ADARB2: variants seen among roughly 807,000 people sequenced by gnomAD.
ADARB2 encodes inactive double-stranded RNA-specific editase B2.
ADARB2 carries 25 observed loss-of-function variants against 62.2 expected under a neutral mutation model. The observed-to-expected ratio is 0.40, with a 90% CI of 0.29 to 0.56. ADARB2 has a LOEUF of 0.56. Ranked by LOEUF, ADARB2 falls within the 20% of genes least tolerant of loss-of-function variation. The pLI is 0.43. For synonymous variants in ADARB2, 572 were observed against 500.8 expected, an observed-to-expected ratio of 1.14 and a Z score of -1.90; for missense variants, 1,071 against 1,077.4, an observed-to-expected ratio of 0.99 and a Z score of 0.08.
intron 1 of ADARB2, among the ~76,000 whole-genome samples, chr10:1,666,430 A>T (rs1834317199): frequency 6.6e-6 from 1 of 152,196 alleles, no homozygotes; most frequent in African/African-American, 2.4e-5. Context: ...TCATGACCAG[A>T]CGCGGCTTTG....
At chr10:1,726,508 A>C (rs1020801712) in intron 1 of ADARB2, among the ~76,000 whole-genome samples, 2 of 152,024 alleles carry the variant, frequency 1.3e-5, no homozygotes, top group Non-Finnish European at 2.9e-5. Flanking sequence ...TCTATGGATG[A>C]CTCTGTAAAT....
chr10:1,714,521 T>A (rs546805488), intron 1 of ADARB2, among the ~76,000 whole-genome samples: 21 of 152,232 alleles, frequency 1.4e-4, no homozygotes, highest in Non-Finnish European at 3.1e-4. Context: ...ACTTTCAGAA[T>A]GTGGAAACAG....
At chr10:1,313,601 G>A (rs1198634815) in intron 3 of ADARB2, among the ~76,000 whole-genome samples, 1 of 145,344 alleles carries the variant, frequency 6.9e-6, no homozygotes, top group Non-Finnish European at 1.6e-5. Context: ...TGGGATAACA[G>A]GGGAAACACA....
At chr10:1,360,025 G>C (rs1240847284) in intron 3 of ADARB2, among the ~76,000 whole-genome samples, 1 of 152,252 alleles carries the variant, frequency 6.6e-6, no homozygotes, top group East Asian at 1.9e-4. Flanking sequence ...GGAGAGCACT[G>C]AGCAGACGTG....
chr10:1,727,675 TC>T (rs1835183699), intron 1 of ADARB2, among the ~76,000 whole-genome samples: 1 of 152,200 alleles, frequency 6.6e-6, no homozygotes, highest in African/African-American at 2.4e-5. Flanking sequence ...TGTAAGCCCA[TC>T]TGATGATAAT....
intron 1 of ADARB2, among the ~76,000 whole-genome samples, chr10:1,474,176 T>C (rs1319708839): frequency 6.6e-6 from 1 of 152,194 alleles, no homozygotes; most frequent in Admixed American, 6.5e-5. Flanking sequence ...ACAGTACACG[T>C]CACATCTGTA....
chr10:1,510,106 T>C (rs7919282), intron 1 of ADARB2, among the ~76,000 whole-genome samples: 16 of 125,726 alleles, frequency 1.3e-4, no homozygotes, highest in Admixed American at 5.0e-4. Context: ...TTTTCTTTCT[T>C]TCTCTCTTTC....
chr10:1,412,171 C>T (rs765090034), intron 1 of ADARB2, among the ~76,000 whole-genome samples: 16 of 152,064 alleles, frequency 1.1e-4, no homozygotes, highest in Non-Finnish European at 8.8e-5. Context: ...AGGCTCGGGA[C>T]GATGCTGGAC....
intron 1 of ADARB2, among the ~76,000 whole-genome samples, chr10:1,424,411 C>T (rs541940228): frequency 5.3e-5 from 8 of 152,100 alleles, no homozygotes; most frequent in Non-Finnish European, 7.4e-5. Context: ...CCAAAAACCA[C>T]GCGAGATGGC....
chr10:1,385,782 G>A (rs1423345766), intron 1 of ADARB2, among the ~76,000 whole-genome samples: 16 of 152,108 alleles, frequency 1.1e-4, no homozygotes, highest in Admixed American at 9.8e-4. Flanking sequence ...ACAGATCCAA[G>A]TATCTCAATC....
intron 1 of ADARB2, among the ~76,000 whole-genome samples, chr10:1,482,930 C>T (rs555069592): frequency 2.7e-4 from 41 of 152,092 alleles, no homozygotes; most frequent in Admixed American, 1.3e-3. Flanking sequence ...GCAAGGAAGC[C>T]CCATGCTAAA....
At chr10:1,505,498 C>T (rs942685259) in intron 1 of ADARB2, among the ~76,000 whole-genome samples, 37 of 152,036 alleles carry the variant, frequency 2.4e-4, no homozygotes, top group Non-Finnish European at 1.5e-5. Context: ...TGTCGTCTGA[C>T]TCACATCCAC....
At chr10:1,696,456 T>C (rs1564197610) in intron 1 of ADARB2, among the ~76,000 whole-genome samples, 1 of 152,380 alleles carries the variant, frequency 6.6e-6, no homozygotes, top group South Asian at 2.1e-4. Context: ...CCTGTTTTTT[T>C]ACTTTGGTAG....
chr10:1,396,404 A>G (rs1322414399), intron 1 of ADARB2, among the ~76,000 whole-genome samples: 1 of 152,306 alleles, frequency 6.6e-6, no homozygotes, highest in East Asian at 1.9e-4. Flanking sequence ...AACAAAGGAT[A>G]GAAAAGCCTG....
At chr10:1,639,254 T>G (rs567213111) in intron 1 of ADARB2, among the ~76,000 whole-genome samples, 29 of 152,144 alleles carry the variant, frequency 1.9e-4, no homozygotes, top group African/African-American at 7.0e-4. Context: ...ATCCAGGAGG[T>G]TGACCGCATC....
intron 2 of ADARB2, among the ~76,000 whole-genome samples, chr10:1,372,475 TA>T (rs11331522): frequency 0.87 from 132,083 of 152,036 alleles, 60,393 homozygotes; most frequent in Non-Finnish European, 1. Context: ...TAAATTAAAT[TA>T]AAAAAAAGTT....
At chr10:1,629,627 C>G (rs1833818420) in intron 1 of ADARB2, among the ~76,000 whole-genome samples, 1 of 150,762 alleles carries the variant, frequency 6.6e-6, no homozygotes, top group African/African-American at 2.4e-5. Context: ...GGGTCTGTCC[C>G]CATTGCCTGG....
chr10:1,544,943 T>C lies in ADARB2; in HGVS notation c.101-165783A>G, dbSNP rs1052260431. Among the ~76,000 whole-genome samples the C allele has an allele frequency of 8.9e-4, 11 of 12,348 alleles. 1 individual carries two copies. The East Asian group carries it at 0.021, about 23-fold the overall frequency. The allele number at this position is 12,348 out of a possible 152,430, so 8.1% of individuals were successfully genotyped here. A position where few individuals can be genotyped will look rare whatever the true frequency, so the allele number is the denominator to read the frequency against. On this transcript the variant is annotated intron_variant, in intron 1 of 9. Transcript: ENST00000381312. ...AAGTCTATATAATATGTGAAGTCTA[T>C]AATAGCAAAGTATACACACACACAC...
At chr10:1,326,213 G>C (rs926261698) in intron 3 of ADARB2, among the ~76,000 whole-genome samples, 2 of 152,168 alleles carry the variant, frequency 1.3e-5, no homozygotes, top group African/African-American at 4.8e-5. Context: ...TTACTGTGCT[G>C]CTAGGAACTT....
Sources: allele counts gnomAD v4.1 joint callset (sites outside exome capture counted in the v4.1 genomes callset), GRCh38; gene constraint gnomAD v4.1.1; transcripts MANE v1.5; gene names NCBI Gene and HGNC (gene_info 2026-07-23, HGNC 2026-07-21).